Variants in RBFOX1 observed in about 807,000 individuals in gnomAD.
RBFOX1 encodes RNA binding fox-1 homolog 1, also known as RNA binding protein fox-1 homolog 1.
RBFOX1 carries 8 observed loss-of-function variants against 57.7 expected under a neutral mutation model. That is an observed-to-expected ratio of 0.14 (90% CI 0.08 to 0.25). The LOEUF (loss-of-function observed/expected upper bound fraction) is 0.25. Among genes scored for constraint, RBFOX1 ranks in the 10% least tolerant of loss-of-function variants. RBFOX1 has a pLI of 1.00. For missense variants in RBFOX1, 611 were observed against 548.5 expected (o/e 1.11, Z -1.14); for synonymous variants, 326 against 222.4 (o/e 1.47, Z -4.15).
At position 7,283,361 on chromosome 16, in the gene RBFOX1, T is replaced by A. The variant is rs77889444; in HGVS notation, c.27+231263T>A. Reference sequence around the variant, plus strand: ...TCCAGCATTCCTGACAGGGAGAAGATCTCATTGAACCAGCATGGATCAGTG... The same window carrying A: ...TCCAGCATTCCTGACAGGGAGAAGAACTCATTGAACCAGCATGGATCAGTG... On this transcript the variant is annotated intron_variant, in intron 4 of 15. Coordinates refer to ENST00000550418, the MANE Select transcript of RBFOX1 (RefSeq NM_018723.4). Among the ~76,000 whole-genome samples, 359 of 152,090 alleles carry A rather than the reference T, an allele frequency of 2.4e-3. 14 individuals are homozygous for A. In the East Asian group the frequency reaches 0.06, roughly 25 times the overall value.
At chr16:5,365,255 A>T (rs1218735794) in intron 1 of RBFOX1, among the ~76,000 whole-genome samples, 3 of 152,140 alleles carry the variant, frequency 2.0e-5, no homozygotes, top group African/African-American at 7.2e-5. Context: ...ACAAAATTTA[A>T]TGTTGATCAA....
chr16:6,592,027 A>G (rs1028409931), intron 2 of RBFOX1, among the ~76,000 whole-genome samples: 2 of 152,208 alleles, frequency 1.3e-5, no homozygotes, highest in African/African-American at 2.4e-5. Context: ...AGTTGTAAAT[A>G]TAAAACTTAA....
chr16:6,777,984 T>C (rs1004324120), intron 3 of RBFOX1, among the ~76,000 whole-genome samples: 1 of 152,118 alleles, frequency 6.6e-6, no homozygotes, highest in Non-Finnish European at 1.5e-5. Context: ...TAAATAGCAG[T>C]TTAAAACTCA....
chr16:5,275,575 T>C (rs1380534391), intron 1 of RBFOX1, among the ~76,000 whole-genome samples: 1 of 152,204 alleles, frequency 6.6e-6, no homozygotes, highest in East Asian at 1.9e-4. Flanking sequence ...TGCTCATGGA[T>C]GGGTAGACTC....
At chr16:5,902,051 T>C (rs1487252926) in intron 4 of RBFOX1, among the ~76,000 whole-genome samples, 1 of 152,184 alleles carries the variant, frequency 6.6e-6, no homozygotes, top group East Asian at 1.9e-4. Context: ...GTGGATGGGG[T>C]TCAATGCATG....
At chr16:7,001,404 A>ATGTATATGTATT (rs2092787241) in intron 3 of RBFOX1, among the ~76,000 whole-genome samples, 13 of 43,790 alleles carry the variant, frequency 3.0e-4, no homozygotes, top group African/African-American at 5.7e-4. Context: ...GTATTTGTAT[A>ATGTATATGTATT]TGTATATGTA....
intron 4 of RBFOX1, among the ~76,000 whole-genome samples, chr16:7,222,978 C>T (rs2092838521): frequency 6.6e-6 from 1 of 152,262 alleles, no homozygotes; most frequent in African/African-American, 2.4e-5. Context: ...GCAGCATAAA[C>T]ATCTGGGCTG....
intron 4 of RBFOX1, among the ~76,000 whole-genome samples, chr16:7,249,151 C>T (rs530011178): frequency 2.0e-5 from 3 of 152,286 alleles, no homozygotes; most frequent in East Asian, 3.9e-4. Context: ...GAACAGAAAG[C>T]TGGGGGTTAG....
chr16:7,435,617 G>T (rs1384286021), intron 4 of RBFOX1, among the ~76,000 whole-genome samples: 2 of 152,170 alleles, frequency 1.3e-5, no homozygotes, highest in African/African-American at 4.8e-5. Flanking sequence ...GGTGGAAAAT[G>T]CAAGATGAAC....
intron 1 of RBFOX1, among the ~76,000 whole-genome samples, chr16:6,137,606 ATTTT>A (rs57190040): frequency 0.01 from 1,026 of 98,298 alleles, 6 homozygotes; most frequent in African/African-American, 0.032. Context: ...GCGCCTGGTC[ATTTT>A]TTTTTTTTTT....
In RBFOX1 at chr16:6,944,820, G is replaced by A. The variant is rs146115704; in HGVS notation, c.-15-107237G>A. 1.4e-3 allele frequency among the ~76,000 whole-genome samples: 210 copies of A among 152,282 alleles called. 2 individuals are homozygous for A. Among genetic ancestry groups the A allele is most frequent in the African/African-American group, 4.9e-3 (203 of 41,554 alleles). On this transcript the variant is annotated intron_variant, in intron 3 of 15. Coordinates refer to ENST00000550418, the MANE Select transcript of RBFOX1 (RefSeq NM_018723.4). ...TAGAGAATAACCTGAGGACTGGAGG[G>A]CTTTGGGTATGATTTGTCAGAATCC...
chr16:6,455,126 C>T (rs754233131), intron 2 of RBFOX1, among the ~76,000 whole-genome samples: 1 of 151,618 alleles, frequency 6.6e-6, no homozygotes. Flanking sequence ...ATCTCCTGAC[C>T]TCAGGATCCA....
chr16:7,682,255 A>C (rs1420020090), intron 14 of RBFOX1, among the ~76,000 whole-genome samples: 1 of 152,158 alleles, frequency 6.6e-6, no homozygotes, highest in Non-Finnish European at 1.5e-5. Flanking sequence ...TTACATTTGC[A>C]GTCTCTGAGA....
intron 1 of RBFOX1, among the ~76,000 whole-genome samples, chr16:5,439,596 C>G (rs747820143): frequency 2.0e-5 from 3 of 151,960 alleles, no homozygotes; most frequent in Non-Finnish European, 4.4e-5. Context: ...GAAAGGACGT[C>G]TCTGAGATTT....
chr16:6,763,066 A>AT (rs2076852458), intron 3 of RBFOX1, among the ~76,000 whole-genome samples: 1 of 152,198 alleles, frequency 6.6e-6, no homozygotes, highest in Non-Finnish European at 1.5e-5. Flanking sequence ...GTCCTACAAT[A>AT]TATCAGGACT....
chr16:6,884,896 TCAAA>T (rs953530257), intron 3 of RBFOX1, among the ~76,000 whole-genome samples: 25 of 152,148 alleles, frequency 1.6e-4, no homozygotes, highest in Admixed American at 3.9e-4. Context: ...AGGCTCTCTT[TCAAA>T]CAAACAAACA....
chr16:5,999,833 G>T (rs377226018), intron 4 of RBFOX1, among the ~76,000 whole-genome samples: 1 of 118,086 alleles, frequency 8.5e-6, no homozygotes, highest in Non-Finnish European at 1.6e-5. Context: ...GCACCACTGC[G>T]CTCCAGCCTG....
chr16:5,654,805 C>T (rs188609552), intron 3 of RBFOX1, among the ~76,000 whole-genome samples: 2 of 152,186 alleles, frequency 1.3e-5, no homozygotes, highest in Non-Finnish European at 2.9e-5. Flanking sequence ...CTCTCTCTCT[C>T]TGTCCCTCGC....
chr16:5,545,153 T>C (rs1343084685), intron 2 of RBFOX1, among the ~76,000 whole-genome samples: 1 of 151,860 alleles, frequency 6.6e-6, no homozygotes, highest in Non-Finnish European at 1.5e-5. Flanking sequence ...ATTTTGGTAT[T>C]TTTTAGTAGA....
Sources: gnomAD v4.1 joint callset for allele counts (sites outside exome capture counted in the v4.1 genomes callset) on GRCh38, gnomAD v4.1.1 for gene constraint, MANE v1.5 for transcripts, NCBI Gene and HGNC (gene_info 2026-07-23, HGNC 2026-07-21) for gene names.